Variants in RASSF9 observed in about 807,000 individuals in gnomAD.
RASSF9 encodes the protein Ras association domain family member 9, also known as ras association domain-containing protein 9.
In RASSF9, 18 loss-of-function variants were observed where a neutral mutation model predicts 21.4. The observed-to-expected ratio is 0.84, with a 90% CI of 0.58 to 1.25. The LOEUF (loss-of-function observed/expected upper bound fraction) is 1.25. Among genes scored for constraint, RASSF9 ranks in the 50% most tolerant of loss-of-function variants. The pLI is 0.00. For missense variants in RASSF9, 480 were observed against 503.2 expected (o/e 0.95, Z 0.44); for synonymous variants, 183 against 179.1 (o/e 1.02, Z -0.18).
intron 1 of RASSF9, among the ~76,000 whole-genome samples, chr12:85,808,906 T>C (rs1317129603): frequency 6.6e-6 from 1 of 152,124 alleles, no homozygotes; most frequent in African/African-American, 2.4e-5. Flanking sequence ...TTGTTTTATG[T>C]TATTTTTTGG....
At chr12:85,832,951 C>T (rs928086787) in intron 1 of RASSF9, among the ~76,000 whole-genome samples, 72 of 151,822 alleles carry the variant, frequency 4.7e-4, no homozygotes, top group African/African-American at 1.6e-3. Context: ...TAGGTTGGTT[C>T]CATGTCTTTC....
chr12:85,814,807 G>C (rs1383710081), intron 1 of RASSF9, among the ~76,000 whole-genome samples: 1 of 151,950 alleles, frequency 6.6e-6, no homozygotes, highest in Admixed American at 6.6e-5. Context: ...TCCATTCATA[G>C]CCTTGTAAAT....
chr12:85,831,540 T>C (rs1880451731), intron 1 of RASSF9, among the ~76,000 whole-genome samples: 1 of 151,974 alleles, frequency 6.6e-6, no homozygotes, highest in Admixed American at 6.6e-5. Context: ...TTGTTCCTAA[T>C]GAGCTATCCA....
At chr12:85,826,816 T>G (rs1880344812) in intron 1 of RASSF9, among the ~76,000 whole-genome samples, 1 of 152,198 alleles carries the variant, frequency 6.6e-6, no homozygotes, top group Non-Finnish European at 1.5e-5. Flanking sequence ...TATCATTTTC[T>G]TGCTCATAGC....
At chr12:85,825,160 G>A (rs550139290) in intron 1 of RASSF9, among the ~76,000 whole-genome samples, 1 of 152,192 alleles carries the variant, frequency 6.6e-6, no homozygotes, top group Non-Finnish European at 1.5e-5. Context: ...GTGCCACTAT[G>A]CCTGATTAAT....
intron 1 of RASSF9, among the ~76,000 whole-genome samples, chr12:85,809,498 A>G (rs748184525): frequency 2.1e-4 from 32 of 152,026 alleles, no homozygotes; most frequent in Non-Finnish European, 4.0e-4. Context: ...TGACCTGGGT[A>G]TCTCCCTTAG....
chr12:85,805,955 T>C lies in RASSF9; in HGVS notation c.55A>G (p.Thr19Ala), dbSNP rs749620413. The C allele has an allele frequency of 6.2e-7, 1 of 1,600,082 alleles. No individual in the cohort carries two copies. Among genetic ancestry groups the C allele is most frequent in the South Asian group, 1.1e-5 (1 of 89,628 alleles). Reference protein sequence around the residue: ...LKTRHKNRSPTKDMDSEEKEI... With the variant: ...LKTRHKNRSPAKDMDSEEKEI... ...TTCTCTTCTGAATCCATGTCTTTAGTTGGAGATCTGAAAGAAAAACAAAAG... is the reference window on the plus strand; with the variant it reads ...TTCTCTTCTGAATCCATGTCTTTAGCTGGAGATCTGAAAGAAAAACAAAAG... The change falls in exon 2 of 2, where the codon ACT (threonine) becomes GCT (alanine). Residue 19 changes from threonine to alanine, a missense_variant. Thr to Ala is a moderately conservative substitution (Grantham distance 58). Coordinates refer to ENST00000361228, the MANE Select transcript of RASSF9 (RefSeq NM_005447.4).
intron 1 of RASSF9, among the ~76,000 whole-genome samples, chr12:85,818,851 C>G (rs1384837241): frequency 6.7e-6 from 1 of 149,762 alleles, no homozygotes; most frequent in African/African-American, 2.5e-5. Context: ...CCCAGCTACT[C>G]TGGAGGCAGA....
Position 85,818,166 on chromosome 12 carries a change from T to C in RASSF9, c.48-12204A>G, listed in dbSNP as rs146394219. Among the ~76,000 whole-genome samples the C allele has an allele frequency of 3.0e-4, 45 of 152,322 alleles. 1 individual carries two copies. Among genetic ancestry groups the C allele is most frequent in the African/African-American group, 1.1e-3 (45 of 41,580 alleles). On this transcript the variant is annotated intron_variant, in intron 1 of 1. Transcript: ENST00000361228. ...GATAGGTAAAAGATACATTGGATAA[T>C]AATAACTCATATTTATTGTATGCTT... is the stretch of plus-strand genomic sequence containing the variant.
chr12:85,836,274 C>T lies in RASSF9; in HGVS notation c.-73G>A. ...GGTGGGGGTGGGGGTGTCTGGATTT[C>T]CAGGGTGAAGGGAGGAGGGCTGGAA... On this transcript the variant is annotated 5_prime_UTR_variant, in exon 1 of 2. Coordinates refer to ENST00000361228, the MANE Select transcript of RASSF9 (RefSeq NM_005447.4). 2 of 1,535,426 alleles carry T rather than the reference C, an allele frequency of 1.3e-6. No homozygotes were observed. Among genetic ancestry groups the T allele is most frequent in the Non-Finnish European group, 1.8e-6 (2 of 1,134,928 alleles).
chr12:85,821,577 C>T lies in RASSF9; in HGVS notation c.47+14578G>A, dbSNP rs537961533. Among the ~76,000 whole-genome samples the T allele has an allele frequency of 2.0e-5, 3 of 151,990 alleles. No homozygotes were observed. In the South Asian group the frequency reaches 6.2e-4, roughly 32 times the overall value. Reference sequence around the variant, plus strand: ...AGAAAATTAATGACTCTATGAAAACCTAGGACAGTCATCACTTAATAAAAA... The same window carrying T: ...AGAAAATTAATGACTCTATGAAAACTTAGGACAGTCATCACTTAATAAAAA... On this transcript the variant is annotated intron_variant, in intron 1 of 1. Coordinates refer to ENST00000361228, the MANE Select transcript of RASSF9 (RefSeq NM_005447.4).
intron 1 of RASSF9, among the ~76,000 whole-genome samples, chr12:85,819,022 G>A (rs1262991796): frequency 6.6e-6 from 1 of 150,408 alleles, no homozygotes; most frequent in African/African-American, 2.4e-5. Flanking sequence ...GTGAACACCG[G>A]AATAAATATT....
chr12:85,836,374 C>G lies in RASSF9; in HGVS notation c.-173G>C. The G allele has an allele frequency of 7.3e-7, 1 of 1,378,412 alleles. No individual in the cohort carries two copies. The highest frequency in any genetic ancestry group is 9.7e-7 in the Non-Finnish European group (1 of 1,032,604). The allele number at this position is 1,378,412 out of a possible 1,614,324, so 85.4% of individuals were successfully genotyped here. ...GCTGAGAAAGTTGCTGGAAGTTGTG[C>G]AACTGCTGCTTAACTTTGAACTGCG... is the stretch of plus-strand genomic sequence containing the variant. On this transcript the variant is annotated 5_prime_UTR_variant, in exon 1 of 2. Transcript: ENST00000361228.
At position 85,805,014 on chromosome 12, in the gene RASSF9, A is replaced by C. The variant is rs754798502; in HGVS notation, c.996T>G (p.Ile332Met). The C allele has an allele frequency of 1.3e-5, 21 of 1,613,944 alleles. No individual in the cohort carries two copies. The South Asian group carries it at 2.3e-4, about 18-fold the overall frequency. Residue 332 changes from isoleucine to methionine, a missense_variant, in exon 2 of 2, where the codon ATT (isoleucine) becomes ATG (methionine). Ile to Met is a conservative substitution (Grantham distance 10). Coordinates refer to ENST00000361228, the MANE Select transcript of RASSF9 (RefSeq NM_005447.4). ...LEKSMKAGLK[I>M]HSHLSGIQKE... Reference sequence around the variant, plus strand: ...TCTGGATGCCACTCAAATGAGAGTGAATTTTCAAACCAGCTTTCATGCTTT... The same window carrying C: ...TCTGGATGCCACTCAAATGAGAGTGCATTTTCAAACCAGCTTTCATGCTTT...
chr12:85,814,592 C>A (rs1295915748), intron 1 of RASSF9, among the ~76,000 whole-genome samples: 2 of 151,984 alleles, frequency 1.3e-5, no homozygotes, highest in East Asian at 3.9e-4. Context: ...CCAGGGAGAC[C>A]CACCAATCTC....
At chr12:85,820,871 C>T (rs772020276) in intron 1 of RASSF9, among the ~76,000 whole-genome samples, 3 of 152,076 alleles carry the variant, frequency 2.0e-5, no homozygotes, top group South Asian at 4.2e-4. Context: ...TGAGGCCGGG[C>T]GCGGTGGCTC....
At chr12:85,823,674 T>G (rs911760637) in intron 1 of RASSF9, among the ~76,000 whole-genome samples, 2 of 152,196 alleles carry the variant, frequency 1.3e-5, no homozygotes, top group Non-Finnish European at 2.9e-5. Flanking sequence ...ATCTTCTGCT[T>G]AATTCTTTTT....
intron 1 of RASSF9, among the ~76,000 whole-genome samples, chr12:85,808,669 T>C (rs1336357395): frequency 1.3e-5 from 2 of 152,056 alleles, no homozygotes; most frequent in African/African-American, 2.4e-5. Flanking sequence ...GTTTTAATTA[T>C]GTGCATGCAA....
intron 1 of RASSF9, among the ~76,000 whole-genome samples, chr12:85,822,072 A>C (rs1408021609): frequency 1.3e-5 from 2 of 152,212 alleles, no homozygotes; most frequent in Non-Finnish European, 2.9e-5. Context: ...CAACAAAAAA[A>C]AAGTGCTTAT....
Sources: allele counts gnomAD v4.1 joint callset (sites outside exome capture counted in the v4.1 genomes callset), GRCh38; gene constraint gnomAD v4.1.1; transcripts MANE v1.5; gene names NCBI Gene and HGNC (gene_info 2026-07-23, HGNC 2026-07-21).